SLC24A4: variants seen among roughly 807,000 people sequenced by gnomAD.
SLC24A4 encodes solute carrier family 24 member 4.
A neutral mutation model predicts 79.0 loss-of-function variants in SLC24A4; 53 were observed. That is an observed-to-expected ratio of 0.67 (90% CI 0.54 to 0.84). The LOEUF is 0.84. Among genes scored for constraint, SLC24A4 ranks in the 40% least tolerant of loss-of-function variants. SLC24A4 has a pLI of 0.00. For missense variants in SLC24A4, 731 were observed against 822.0 expected (o/e 0.89, Z 1.35); for synonymous variants, 323 against 323.8 (o/e 1.00, Z 0.03).
rs146720638 is a variant in SLC24A4 at position 92,346,710 on chromosome 14, T to G, written c.241+20732T>G. ...TAGGGCTGCGGTTCTCAACTTTGGC[T>G]GCTCATTAGGGTGACCTGGGCAACT... On this transcript the variant is annotated intron_variant, in intron 2 of 16. Coordinates refer to ENST00000532405, the MANE Select transcript of SLC24A4 (RefSeq NM_153646.4). Among the ~76,000 whole-genome samples the G allele has an allele frequency of 4.2e-3, 645 of 152,336 alleles. 10 individuals carry two copies. In the East Asian group the frequency reaches 0.043, roughly 10 times the overall value.
chr14:92,419,177 A>G (rs1242357706), intron 2 of SLC24A4, among the ~76,000 whole-genome samples: 1 of 152,212 alleles, frequency 6.6e-6, no homozygotes, highest in Non-Finnish European at 1.5e-5. Flanking sequence ...TATGACTACT[A>G]CTGCCCAGCC....
At chr14:92,327,340 C>A (rs1487484717) in intron 2 of SLC24A4, among the ~76,000 whole-genome samples, 1 of 152,194 alleles carries the variant, frequency 6.6e-6, no homozygotes, top group Non-Finnish European at 1.5e-5. Context: ...GGTGGCCCAG[C>A]AGGCGGGGTG....
intron 2 of SLC24A4, among the ~76,000 whole-genome samples, chr14:92,390,736 C>T (rs548266385): frequency 3.9e-5 from 6 of 152,270 alleles, no homozygotes; most frequent in South Asian, 2.1e-4. Context: ...CAAAGTGGCA[C>T]GGGCACCAGG....
chr14:92,483,372 G>A (rs1422166085), intron 13 of SLC24A4, among the ~76,000 whole-genome samples: 2 of 152,098 alleles, frequency 1.3e-5, no homozygotes, highest in African/African-American at 2.4e-5. Flanking sequence ...TCCATCTAAC[G>A]AATGGGGGAA....
Position 92,325,894 on chromosome 14 carries a change from C to T in SLC24A4, c.157C>T (p.Arg53Cys), listed in dbSNP as rs138163535. ...LGHKTASASK[R>C]VLPDTWRNRK... Reference sequence around the variant, plus strand: ...GCACAAAACAGCTTCTGCTAGCAAACGTGTCCTGCCAGACACGTGGAGAAA... The same window carrying T: ...GCACAAAACAGCTTCTGCTAGCAAATGTGTCCTGCCAGACACGTGGAGAAA... The change falls in exon 2 of 17, where the codon CGT (arginine) becomes TGT (cysteine). Residue 53 changes from arginine (R) to cysteine (C), a missense_variant. Coordinates refer to ENST00000532405, the MANE Select transcript of SLC24A4 (RefSeq NM_153646.4). The T allele has an allele frequency of 3.1e-5, 50 of 1,611,088 alleles. No homozygotes were observed. Among genetic ancestry groups the T allele is most frequent in the Admixed American group, 6.7e-5 (4 of 59,706 alleles).
In SLC24A4 at chr14:92,439,321, T is replaced by C; in HGVS notation, c.319-14T>C. On this transcript the variant is annotated splice_polypyrimidine_tract_variant and intron_variant, in intron 3 of 16. Transcript: ENST00000532405. ...ACCCTCACCGACCCTGCCTGTCTCC[T>C]CTCTCCTTTGCAGGCTCTGTATATG... 6.2e-7 allele frequency: 1 copy of C among 1,611,154 alleles called. No individual in the cohort carries two copies. The highest frequency in any genetic ancestry group is 1.1e-5 in the South Asian group (1 of 91,010).
In SLC24A4 at chr14:92,382,285, ATG is replaced by A. The variant is rs1888899747; in HGVS notation, c.242-51625_242-51624del. Among the ~76,000 whole-genome samples, 5 of 152,258 alleles carry A rather than the reference ATG, an allele frequency of 3.3e-5. No individual in the cohort carries two copies. The South Asian group carries it at 1.0e-3, about 32-fold the overall frequency. ...ATTATCAATTATCAAACATATATAT[ATG>A]TTTCTCTGGCTCTGAAGTCAGAACA... On this transcript the variant is annotated intron_variant, in intron 2 of 16. Transcript: ENST00000532405.
chr14:92,445,439 T>C (rs759494025), intron 8 of SLC24A4, 97 bp downstream of exon 8: 2 of 1,308,428 alleles, frequency 1.5e-6, no homozygotes, highest in Admixed American at 2.0e-5. Flanking sequence ...AAATTATTTT[T>C]ATAAACTTAA....
At chr14:92,446,433 C>A (rs1204499736) in intron 8 of SLC24A4, among the ~76,000 whole-genome samples, 1 of 152,148 alleles carries the variant, frequency 6.6e-6, no homozygotes, top group Non-Finnish European at 1.5e-5. Context: ...AGGCTGTGTC[C>A]TGTATGATTA....
In SLC24A4 at chr14:92,490,790, G is replaced by A. The variant is rs1895636221; in HGVS notation, c.1538-875G>A. On this transcript the variant is annotated intron_variant, in intron 14 of 16. Coordinates refer to ENST00000532405, the MANE Select transcript of SLC24A4 (RefSeq NM_153646.4). The surrounding 1 kb of genome is among the most constrained non-coding windows in gnomAD (Gnocchi z 4.3). ...CAAGCCTGGCAGGAGAGATCATGAAGGGCCCGCATGCATCTGCTAGGCTTC... is the reference window on the plus strand; with the variant it reads ...CAAGCCTGGCAGGAGAGATCATGAAAGGCCCGCATGCATCTGCTAGGCTTC... Among the ~76,000 whole-genome samples the A allele has an allele frequency of 6.6e-6, 1 of 152,206 alleles. No homozygotes were observed. Among genetic ancestry groups the A allele is most frequent in the Admixed American group, 6.5e-5 (1 of 15,288 alleles).
rs540405062 is a variant in SLC24A4 at position 92,461,028 on chromosome 14, G to C, written c.1255+4420G>C. On this transcript the variant is annotated intron_variant, in intron 12 of 16. Transcript: ENST00000532405. ...AAAAGAGGAAGAGGCGCTTTCGCCCGTGGAAACCATGGTCTGCAGTGCTGG... is the reference window on the plus strand; with the variant it reads ...AAAAGAGGAAGAGGCGCTTTCGCCCCTGGAAACCATGGTCTGCAGTGCTGG... Among the ~76,000 whole-genome samples, 12 of 152,298 alleles carry C rather than the reference G, an allele frequency of 7.9e-5. No homozygotes were observed. The South Asian group carries it at 2.5e-3, about 32-fold the overall frequency.
intron 16 of SLC24A4, among the ~76,000 whole-genome samples, chr14:92,493,236 G>A (rs1257244293): frequency 2.0e-5 from 3 of 152,102 alleles, no homozygotes; most frequent in Non-Finnish European, 2.9e-5. Context: ...CCATGAGGGC[G>A]GCTGCTGTGT....
chr14:92,493,530 G>A lies in SLC24A4; in HGVS notation c.1771G>A (p.Val591Met), dbSNP rs552043382. The A allele has an allele frequency of 1.6e-5, 26 of 1,614,194 alleles. No individual in the cohort carries two copies. In the South Asian group the frequency reaches 2.2e-4, roughly 14 times the overall value. ...WRLDRKLGVY[V>M]LVLYAIFLCF... is the part of the protein sequence containing the mutation. ...ACTGGACCGGAAGCTGGGTGTCTAC[G>A]TGCTGGTTCTCTACGCCATCTTCTT... is the stretch of plus-strand genomic sequence containing the variant. Residue 591 changes from valine to methionine, a missense_variant, in exon 17 of 17, where the codon GTG (valine) becomes ATG (methionine). Val to Met is a conservative substitution (Grantham distance 21). Coordinates refer to ENST00000532405, the MANE Select transcript of SLC24A4 (RefSeq NM_153646.4).
rs117019595 is a variant in SLC24A4 at position 92,476,872 on chromosome 14, G to A, written c.1256-5808G>A. Among the ~76,000 whole-genome samples, 352 of 152,274 alleles carry A rather than the reference G, an allele frequency of 2.3e-3. 2 individuals are homozygous for A. Among genetic ancestry groups the A allele is most frequent in the Admixed American group, 4.0e-3 (61 of 15,296 alleles). On this transcript the variant is annotated intron_variant, in intron 12 of 16. Coordinates refer to ENST00000532405, the MANE Select transcript of SLC24A4 (RefSeq NM_153646.4). ...ACAAGATTTGTCCATGTGGTACCAT[G>A]TATCAGTACTTCATTCCTTTTTATG...
At chr14:92,417,684 G>A (rs1004740961) in intron 2 of SLC24A4, among the ~76,000 whole-genome samples, 7 of 152,120 alleles carry the variant, frequency 4.6e-5, no homozygotes, top group African/African-American at 1.7e-4. Flanking sequence ...CTAAACAAGT[G>A]TACCATTTTT....
At chr14:92,474,854 T>TATAG (rs1566795691) in intron 12 of SLC24A4, among the ~76,000 whole-genome samples, 1 of 66,438 alleles carries the variant, frequency 1.5e-5, no homozygotes, top group Non-Finnish European at 2.9e-5. Context: ...TATATATATA[T>TATAG]ATATATATAT....
rs1231848255 is a variant in SLC24A4 at position 92,454,187 on chromosome 14, G to A, written c.1050+118G>A. ...ACCTGTTTAAGGAAGGATGCCCTGG[G>A]GCCTCCAGAAGCCTGCCCATCAGCC... On this transcript the variant is annotated intron_variant, in intron 11 of 16. Coordinates refer to ENST00000532405, the MANE Select transcript of SLC24A4 (RefSeq NM_153646.4). 4.5e-6 allele frequency: 5 copies of A among 1,110,150 alleles called. No homozygotes were observed. The African/African-American group carries it at 4.9e-5, about 11-fold the overall frequency. 68.8% of individuals were successfully genotyped at this position (1,110,150 alleles called of 1,614,324 possible).
At chr14:92,440,914 G>C (rs1197559338) in intron 4 of SLC24A4, among the ~76,000 whole-genome samples, 1 of 152,032 alleles carries the variant, frequency 6.6e-6, no homozygotes, top group African/African-American at 2.4e-5. Flanking sequence ...CCCAGGCAAA[G>C]GCAGGGAGGA....
Position 92,325,968 on chromosome 14 carries a change from C to A in SLC24A4, c.231C>A (p.Cys77Ter). ...ATGGGACACAGACAGCCAAGAACTG[C>A]ACAGATCCTGGTAAGAAATCAATTC... ...PVNGTQTAKN[C>*]TDPAIHEFPT... Residue 77 changes from cysteine to a stop codon, truncating the protein, a stop_gained, in exon 2 of 17, where the codon TGC (cysteine) becomes TGA (stop). Coordinates refer to ENST00000532405, the MANE Select transcript of SLC24A4 (RefSeq NM_153646.4). LOFTEE classifies it high-confidence loss of function. The A allele has an allele frequency of 6.2e-7, 1 of 1,605,540 alleles. No homozygotes were observed. The highest frequency in any genetic ancestry group is 1.7e-5 in the Admixed American group (1 of 59,794).
Sources: allele counts gnomAD v4.1 joint callset (sites outside exome capture counted in the v4.1 genomes callset), GRCh38; gene constraint gnomAD v4.1.1; non-coding constraint Gnocchi (gnomAD v3.1); transcripts MANE v1.5; gene names NCBI Gene and HGNC (gene_info 2026-07-23, HGNC 2026-07-21).